POC1B: variants seen among roughly 807,000 people sequenced by gnomAD.
POC1B encodes the protein POC1 centriolar protein B, also known as POC1 centriolar protein homolog B.
Under a neutral mutation model 60.6 loss-of-function variants are expected in POC1B, and 44 were observed. The ratio of observed to expected loss-of-function variants is 0.73; its 90% confidence interval spans 0.57 to 0.93. The LOEUF is 0.93. POC1B is among the 40% of genes least tolerant of loss of function. The pLI, the probability that POC1B is intolerant of heterozygous loss-of-function variation, is 0.00. For missense variants in POC1B, 555 were observed against 572.3 expected (o/e 0.97, Z 0.31); for synonymous variants, 180 against 198.9 (o/e 0.90, Z 0.80).
intron 10 of POC1B, among the ~76,000 whole-genome samples, chr12:89,430,848 T>C (rs1880999699): frequency 1.3e-5 from 2 of 152,158 alleles, no homozygotes; most frequent in African/African-American, 4.8e-5. Flanking sequence ...TAATGGACTG[T>C]CCTGCATCAG....
chr12:89,524,322 C>G, intron 2 of POC1B: 2 of 1,614,050 alleles, frequency 1.2e-6, no homozygotes, highest in Admixed American at 3.3e-5. Context: ...CTTTCCCCCA[C>G]TCCCCAAGTG....
intron 4 of POC1B, among the ~76,000 whole-genome samples, chr12:89,479,363 T>A (rs1592615157): frequency 6.6e-6 from 1 of 152,200 alleles, no homozygotes; most frequent in African/African-American, 2.4e-5. Flanking sequence ...CAAATTATAC[T>A]GAAAGCACCA....
chr12:89,410,623 TGAGCC>T, the POC1B span, among the ~76,000 whole-genome samples: 6 of 147,432 alleles, frequency 4.1e-5, no homozygotes, highest in Non-Finnish European at 7.4e-5. Flanking sequence ...GAGCTTGCAG[TGAGCC>T]GAGATCCGCC....
At chr12:89,423,921 T>A (rs1372629484) in intron 11 of POC1B, among the ~76,000 whole-genome samples, 1 of 152,146 alleles carries the variant, frequency 6.6e-6, no homozygotes, top group Non-Finnish European at 1.5e-5. Flanking sequence ...AGGTAACAGT[T>A]GAGGTGAGGA....
rs1004973300 is a variant in POC1B at position 89,420,691 on chromosome 12, T to G, written c.*462A>C. The G allele has an allele frequency of 6.5e-6, 1 of 152,920 alleles. No homozygotes were observed. The highest frequency in any genetic ancestry group is 1.5e-5 in the Non-Finnish European group (1 of 68,558). 9.5% of individuals were successfully genotyped at this position (152,920 alleles called of 1,614,324 possible). On this transcript the variant is annotated 3_prime_UTR_variant, in exon 12 of 12. Coordinates refer to ENST00000313546, the MANE Select transcript of POC1B (RefSeq NM_172240.3). Reference sequence around the variant, plus strand: ...AATTTCTATTTTGAACAGAAAGACATACAACTAGTCAGATCAATAACTCAT... The same window carrying G: ...AATTTCTATTTTGAACAGAAAGACAGACAACTAGTCAGATCAATAACTCAT...
At chr12:89,488,685 T>C (rs919972812) in intron 4 of POC1B, among the ~76,000 whole-genome samples, 2 of 151,984 alleles carry the variant, frequency 1.3e-5, no homozygotes, top group Admixed American at 6.5e-5. Context: ...CGGGGTTTCA[T>C]CATGTTGGCC....
intron 9 of POC1B, 145 bp downstream of exon 9, chr12:89,466,625 A>G: frequency 2.8e-6 from 2 of 709,218 alleles, no homozygotes; most frequent in African/African-American, 1.8e-5. Context: ...ATTACACACT[A>G]TAGTGAAAAC....
In POC1B at chr12:89,467,651, C is replaced by A; in HGVS notation, c.845G>T (p.Gly282Val). 1 of 1,612,242 alleles carries A rather than the reference C, an allele frequency of 6.2e-7. No individual in the cohort carries two copies. Among genetic ancestry groups the A allele is most frequent in the Non-Finnish European group, 8.5e-7 (1 of 1,178,828 alleles). The change falls in exon 8 of 12, where the codon GGA (glycine) becomes GTA (valine). Residue 282 changes from glycine (G) to valine (V), a missense_variant. Gly to Val is a moderately radical substitution (Grantham distance 109). Transcript: ENST00000313546. ...PVFTVSFSKGGELFASGGADT... is the reference protein window; with the variant it reads ...PVFTVSFSKGVELFASGGADT... Reference sequence around the variant, plus strand: ...TGCACCTCCTGATGCAAATAGCTCTCCACCTTTTGAAAATGAAACAGTAAA... The same window carrying A: ...TGCACCTCCTGATGCAAATAGCTCTACACCTTTTGAAAATGAAACAGTAAA...
intron 4 of POC1B, among the ~76,000 whole-genome samples, chr12:89,484,933 A>C (rs1868553670): frequency 6.6e-6 from 1 of 152,174 alleles, no homozygotes; most frequent in Admixed American, 6.5e-5. Flanking sequence ...CTATCTAACA[A>C]GATTTTTTCT....
At chr12:89,487,227 A>G (rs1297484865) in intron 4 of POC1B, among the ~76,000 whole-genome samples, 1 of 152,050 alleles carries the variant, frequency 6.6e-6, no homozygotes, top group Non-Finnish European at 1.5e-5. Flanking sequence ...TCCGCTCTGG[A>G]ACTGGAGATA....
At chr12:89,449,464 C>T (rs1189241317) in intron 10 of POC1B, among the ~76,000 whole-genome samples, 1 of 151,926 alleles carries the variant, frequency 6.6e-6, no homozygotes, top group East Asian at 1.9e-4. Flanking sequence ...TCATGTTATA[C>T]ATAAGAAATA....
the POC1B span, among the ~76,000 whole-genome samples, chr12:89,404,512 T>G: frequency 6.6e-6 from 1 of 152,224 alleles, no homozygotes; most frequent in Non-Finnish European, 1.5e-5. Flanking sequence ...TTAATGTTAA[T>G]GATGGAGCAC....
At chr12:89,447,977 G>T (rs1881857316) in intron 10 of POC1B, among the ~76,000 whole-genome samples, 1 of 151,986 alleles carries the variant, frequency 6.6e-6, no homozygotes, top group Non-Finnish European at 1.5e-5. Flanking sequence ...CGCATGACCT[G>T]AGGAACACTA....
chr12:89,445,634 C>T (rs374075693), intron 10 of POC1B, among the ~76,000 whole-genome samples: 2 of 152,024 alleles, frequency 1.3e-5, no homozygotes, highest in Non-Finnish European at 2.9e-5. Context: ...TTAAATGTTA[C>T]ACCTAAAACC....
intron 10 of POC1B, among the ~76,000 whole-genome samples, chr12:89,441,337 C>T (rs1881509541): frequency 1.3e-5 from 2 of 152,164 alleles, no homozygotes; most frequent in Non-Finnish European, 2.9e-5. Flanking sequence ...CCCTGACCCC[C>T]GAGTAGCCTA....
At chr12:89,519,546 G>T (rs10858893) in intron 2 of POC1B, 2 of 152,412 alleles carry the variant, frequency 1.3e-5, no homozygotes, top group Non-Finnish European at 2.9e-5. Context: ...GAACTTCAAC[G>T]TTCTTTGTGC....
At chr12:89,494,854 C>T (rs1383519493) in intron 3 of POC1B, among the ~76,000 whole-genome samples, 1 of 152,216 alleles carries the variant, frequency 6.6e-6, no homozygotes, top group Non-Finnish European at 1.5e-5. Context: ...CAGAGCCCAT[C>T]TTTCCTCTGC....
chr12:89,509,856 G>T (rs7962804), intron 2 of POC1B, among the ~76,000 whole-genome samples: 76,102 of 151,936 alleles, frequency 0.5, 19,245 homozygotes, highest in East Asian at 0.58. Flanking sequence ...TTCAATTTTG[G>T]TTTTTTTGCG....
chr12:89,502,443 G>A lies in POC1B; in HGVS notation c.101-5101C>T, dbSNP rs866813443. ...GAATACTATCTCCAGGCAAAATATC[G>A]TCTAAAAGGAAGGCAAGAGAAAATA... On this transcript the variant is annotated intron_variant, in intron 2 of 11. Transcript: ENST00000313546. 76 of 1,270,780 alleles carry A rather than the reference G, an allele frequency of 6.0e-5. 1 individual carries two copies. The highest frequency in any genetic ancestry group is 3.6e-4 in the South Asian group (29 of 80,550). The allele number at this position is 1,270,780 out of a possible 1,614,324, so 78.7% of individuals were successfully genotyped here.
Sources: allele counts gnomAD v4.1 joint callset (sites outside exome capture counted in the v4.1 genomes callset), GRCh38; gene constraint gnomAD v4.1.1; transcripts MANE v1.5; gene names NCBI Gene and HGNC (gene_info 2026-07-23, HGNC 2026-07-21).